Variants in TIAM1 observed in about 807,000 individuals in gnomAD.
TIAM1 encodes TIAM Rac1 associated GEF 1.
In TIAM1, 65 loss-of-function variants were observed where a neutral mutation model predicts 163.5. That is an observed-to-expected ratio of 0.40 (90% CI 0.33 to 0.49). TIAM1 has a LOEUF of 0.49. Ranked by LOEUF, TIAM1 falls within the 20% of genes least tolerant of loss-of-function variation. The pLI, the probability that TIAM1 is intolerant of heterozygous loss-of-function variation, is 0.77. For missense variants in TIAM1, 1,789 were observed against 2,044.7 expected (o/e 0.87, Z 2.41); for synonymous variants, 833 against 810.1 (o/e 1.03, Z -0.48).
At chr21:31,554,135 A>G (rs963726866) in intron 1 of TIAM1, among the ~76,000 whole-genome samples, 2 of 152,112 alleles carry the variant, frequency 1.3e-5, no homozygotes, top group African/African-American at 4.8e-5. Flanking sequence ...TTGGCAGGAT[A>G]TCCTGTCTTC....
intron 1 of TIAM1, among the ~76,000 whole-genome samples, chr21:31,552,386 T>C (rs531115426): frequency 6.6e-6 from 1 of 152,276 alleles, no homozygotes; most frequent in East Asian, 1.9e-4. Flanking sequence ...AAATTGTGAA[T>C]TAAGTGTGAT....
At chr21:31,233,062 A>C (rs2088528147) in intron 6 of TIAM1, among the ~76,000 whole-genome samples, 1 of 152,232 alleles carries the variant, frequency 6.6e-6, no homozygotes, top group African/African-American at 2.4e-5. Flanking sequence ...ATCCAGCTTC[A>C]ACTATCCAAT....
chr21:31,317,754 T>A (rs182031327), intron 2 of TIAM1, among the ~76,000 whole-genome samples: 39 of 152,212 alleles, frequency 2.6e-4, no homozygotes, highest in African/African-American at 9.4e-4. Context: ...CATTCCAACC[T>A]GGGCAACAGA....
At chr21:31,244,822 C>T (rs1433816413) in intron 6 of TIAM1, among the ~76,000 whole-genome samples, 1 of 152,206 alleles carries the variant, frequency 6.6e-6, no homozygotes, top group South Asian at 2.1e-4. Context: ...GAAAATAATT[C>T]TTCAATGGAA....
chr21:31,387,231 G>A (rs1249858874), intron 2 of TIAM1, among the ~76,000 whole-genome samples: 1 of 143,540 alleles, frequency 7.0e-6, no homozygotes, highest in African/African-American at 2.6e-5. Flanking sequence ...GGAGGTGGGG[G>A]GCACAGTTGA....
chr21:31,275,835 C>T (rs940235752), intron 3 of TIAM1, among the ~76,000 whole-genome samples: 1 of 152,056 alleles, frequency 6.6e-6, no homozygotes, highest in East Asian at 1.9e-4. Flanking sequence ...GTTTCTCTGT[C>T]GTTGGGAAGG....
intron 2 of TIAM1, among the ~76,000 whole-genome samples, chr21:31,279,510 C>T (rs552730040): frequency 2.5e-4 from 38 of 152,314 alleles, no homozygotes; most frequent in Middle Eastern, 3.4e-3. Flanking sequence ...TGTTGGGAGT[C>T]CAAGCTGGGA....
intron 2 of TIAM1, among the ~76,000 whole-genome samples, chr21:31,462,241 A>C (rs1488289628): frequency 6.6e-6 from 1 of 152,238 alleles, no homozygotes; most frequent in Non-Finnish European, 1.5e-5. Flanking sequence ...TAACAGGTAC[A>C]CAAAGGAGTA....
intron 13 of TIAM1, among the ~76,000 whole-genome samples, chr21:31,189,306 C>T (rs574545055): frequency 6.6e-6 from 1 of 152,080 alleles, no homozygotes; most frequent in South Asian, 2.1e-4. Flanking sequence ...CCACCTGCCT[C>T]GGCTTCCCAA....
intron 2 of TIAM1, among the ~76,000 whole-genome samples, chr21:31,297,845 C>T (rs1461124208): frequency 6.6e-6 from 1 of 152,072 alleles, no homozygotes; most frequent in Non-Finnish European, 1.5e-5. Flanking sequence ...GGGAGGGGTG[C>T]AACTTAATGA....
intron 2 of TIAM1, among the ~76,000 whole-genome samples, chr21:31,461,462 C>T (rs1304036030): frequency 6.6e-6 from 1 of 151,922 alleles, no homozygotes. Flanking sequence ...GCAGCCTGGG[C>T]AACAGAGAGA....
At chr21:31,139,275 T>C (rs2082741600) in intron 22 of TIAM1, among the ~76,000 whole-genome samples, 1 of 152,158 alleles carries the variant, frequency 6.6e-6, no homozygotes, top group African/African-American at 2.4e-5. Flanking sequence ...ATTTGGCATA[T>C]AAAGAAAATG....
At position 31,344,034 on chromosome 21, in the gene TIAM1, C is replaced by G. The variant is rs371210663; in HGVS notation, c.-369+104G>C. 210 of 152,346 alleles carry G rather than the reference C, an allele frequency of 1.4e-3. 1 individual carries two copies. The highest frequency in any genetic ancestry group is 4.8e-3 in the African/African-American group (199 of 41,570). The allele number at this position is 152,346 out of a possible 1,614,324, so 9.4% of individuals were successfully genotyped here. A position where few individuals can be genotyped will look rare whatever the true frequency, so the allele number is the denominator to read the frequency against. ...CCCAGCTGCACAGCTCAGCTCGGGG[C>G]TCTCACCTATCCTCGTTCAGAGCCA... On this transcript the variant is annotated intron_variant, in intron 1 of 27. Coordinates refer to ENST00000541036, the MANE Select transcript of TIAM1 (RefSeq NM_001353694.2).
At position 31,344,202 on chromosome 21, in the gene TIAM1, C is replaced by G. The variant is rs2076100383; in HGVS notation, c.-433G>C. The G allele has an allele frequency of 6.6e-6, 1 of 152,310 alleles. No homozygotes were observed. Among genetic ancestry groups the G allele is most frequent in the African/African-American group, 2.4e-5 (1 of 41,462 alleles). The allele number at this position is 152,310 out of a possible 1,614,324, so 9.4% of individuals were successfully genotyped here. A position where few individuals can be genotyped will look rare whatever the true frequency, so the allele number is the denominator to read the frequency against. On this transcript the variant is annotated 5_prime_UTR_variant, in exon 1 of 28. Transcript: ENST00000541036. ...TTCACATGTCCCAAACTTCCAGTAA[C>G]AGAAATGAGGAAGCAGCAGCCTTCC... is the stretch of plus-strand genomic sequence containing the variant.
chr21:31,358,487 G>A (rs188137465), intron 2 of TIAM1, among the ~76,000 whole-genome samples: 49 of 152,050 alleles, frequency 3.2e-4, no homozygotes, highest in East Asian at 1.2e-3. Flanking sequence ...ATCGAATACC[G>A]CACTGTGCAC....
intron 2 of TIAM1, among the ~76,000 whole-genome samples, chr21:31,363,405 G>C (rs1421339849): frequency 1.3e-5 from 2 of 151,984 alleles, no homozygotes; most frequent in Non-Finnish European, 2.9e-5. Context: ...AACAGGACCG[G>C]GATTTTGTTT....
At chr21:31,193,366 G>A (rs1185482060) in intron 13 of TIAM1, among the ~76,000 whole-genome samples, 2 of 152,142 alleles carry the variant, frequency 1.3e-5, no homozygotes, top group Admixed American at 1.3e-4. Flanking sequence ...CTGGGAGTCT[G>A]GAATTTTGGT....
At chr21:31,528,740 G>C (rs1233769850) in intron 1 of TIAM1, among the ~76,000 whole-genome samples, 1 of 150,610 alleles carries the variant, frequency 6.6e-6, no homozygotes, top group Non-Finnish European at 1.5e-5. Context: ...GGGAGGCGGA[G>C]GTTGCAGTGA....
intron 6 of TIAM1, among the ~76,000 whole-genome samples, chr21:31,227,577 T>C (rs1217214262): frequency 6.6e-6 from 1 of 151,994 alleles, no homozygotes; most frequent in Admixed American, 6.6e-5. Flanking sequence ...GGAATCACTT[T>C]GTAAAGACTG....
Sources: allele counts gnomAD v4.1 joint callset (sites outside exome capture counted in the v4.1 genomes callset), GRCh38; gene constraint gnomAD v4.1.1; transcripts MANE v1.5; gene names NCBI Gene and HGNC (gene_info 2026-07-23, HGNC 2026-07-21).